The following STXBP6 variants were observed in gnomAD, a reference collection of about 807,000 sequenced individuals.
STXBP6 encodes the protein syntaxin-binding protein 6.
In STXBP6, 21 loss-of-function variants were observed where a neutral mutation model predicts 26.9. That is an observed-to-expected ratio of 0.78 (90% CI 0.55 to 1.12). The LOEUF (loss-of-function observed/expected upper bound fraction) is 1.12, where lower values mean the gene tolerates loss of function less well. Among genes scored for constraint, STXBP6 ranks in the 50% most tolerant of loss-of-function variants. The pLI is 0.00. For synonymous variants in STXBP6, 97 were observed against 92.6 expected (o/e 1.05, Z -0.27); for missense variants, 232 against 257.9 (o/e 0.90, Z 0.69).
At chr14:24,850,286 A>C (rs530942757) in intron 4 of STXBP6, among the ~76,000 whole-genome samples, 1 of 152,176 alleles carries the variant, frequency 6.6e-6, no homozygotes, top group Admixed American at 6.6e-5. Context: ...TTAGCATACC[A>C]ATCAGCAGGG....
intron 1 of STXBP6, among the ~76,000 whole-genome samples, chr14:25,024,106 G>A (rs990096839): frequency 2.0e-5 from 3 of 151,900 alleles, no homozygotes; most frequent in Admixed American, 6.6e-5. Flanking sequence ...TCAGGAGATC[G>A]AGACCATCCT....
chr14:24,979,114 A>C (rs1217874325), intron 1 of STXBP6, among the ~76,000 whole-genome samples: 2 of 152,236 alleles, frequency 1.3e-5, no homozygotes, highest in Non-Finnish European at 2.9e-5. Flanking sequence ...TCCTCTGGTA[A>C]GGCAACAGTG....
intron 1 of STXBP6, among the ~76,000 whole-genome samples, chr14:25,035,687 T>TC (rs1311307724): frequency 6.6e-6 from 1 of 152,176 alleles, no homozygotes; most frequent in Non-Finnish European, 1.5e-5. Flanking sequence ...ATTTTTTTTT[T>TC]CTCAGCTACC....
intron 1 of STXBP6, among the ~76,000 whole-genome samples, chr14:25,002,113 C>A (rs2140334631): frequency 6.6e-6 from 1 of 152,226 alleles, no homozygotes; most frequent in African/African-American, 2.4e-5. Flanking sequence ...AGGTGCTTTT[C>A]TTGTAACCCA....
chr14:24,882,521 G>T (rs1266011681), intron 2 of STXBP6, among the ~76,000 whole-genome samples: 1 of 149,112 alleles, frequency 6.7e-6, no homozygotes, highest in Non-Finnish European at 1.5e-5. Flanking sequence ...AACAGGAGAT[G>T]AATACACCCA....
chr14:25,014,266 A>T, intron 1 of STXBP6, among the ~76,000 whole-genome samples: 1 of 151,624 alleles, frequency 6.6e-6, no homozygotes, highest in Non-Finnish European at 1.5e-5. Context: ...AGGCCGAGGC[A>T]GGTGGATCAC....
chr14:24,992,987 A>G (rs927393751), intron 1 of STXBP6, among the ~76,000 whole-genome samples: 4 of 152,080 alleles, frequency 2.6e-5, no homozygotes, highest in African/African-American at 7.2e-5. Flanking sequence ...TCACTCTTTC[A>G]CAGTTGCTGC....
intron 2 of STXBP6, among the ~76,000 whole-genome samples, chr14:24,890,620 T>A (rs2070754838): frequency 6.6e-6 from 1 of 152,202 alleles, no homozygotes; most frequent in African/African-American, 2.4e-5. Context: ...TCTTACAAGC[T>A]TTCAGAGAGG....
chr14:25,024,830 G>A (rs2075320042), intron 1 of STXBP6, among the ~76,000 whole-genome samples: 1 of 152,182 alleles, frequency 6.6e-6, no homozygotes, highest in Non-Finnish European at 1.5e-5. Context: ...TTAATTTTAA[G>A]TGTGATTCAC....
At chr14:24,895,451 G>T (rs533569455) in intron 2 of STXBP6, among the ~76,000 whole-genome samples, 6 of 152,154 alleles carry the variant, frequency 3.9e-5, no homozygotes, top group Non-Finnish European at 7.3e-5. Context: ...AAAGGAAGGC[G>T]GTTAGGAGGA....
intron 1 of STXBP6, among the ~76,000 whole-genome samples, chr14:25,004,989 T>C (rs1010113617): frequency 6.6e-6 from 1 of 152,188 alleles, no homozygotes; most frequent in Non-Finnish European, 1.5e-5. Flanking sequence ...GAAACTGTTG[T>C]CTTTACTGCT....
At chr14:24,874,891 T>C (rs2070078319) in intron 2 of STXBP6, among the ~76,000 whole-genome samples, 1 of 152,130 alleles carries the variant, frequency 6.6e-6, no homozygotes, top group South Asian at 2.1e-4. Context: ...AACACGCTCA[T>C]TAAAATGGCT....
At chr14:25,022,497 GT>G (rs1385911930) in intron 1 of STXBP6, among the ~76,000 whole-genome samples, 2 of 152,126 alleles carry the variant, frequency 1.3e-5, no homozygotes, top group African/African-American at 4.8e-5. Context: ...AGGGTCAGAG[GT>G]AGAACTTGAT....
At chr14:25,029,228 G>A (rs773843436) in intron 1 of STXBP6, among the ~76,000 whole-genome samples, 6 of 152,056 alleles carry the variant, frequency 3.9e-5, no homozygotes, top group South Asian at 2.1e-4. Context: ...AATCTTACAC[G>A]GAAGGAAGAG....
At chr14:24,864,957 C>T (rs854340) in intron 2 of STXBP6, among the ~76,000 whole-genome samples, 112,352 of 152,106 alleles carry the variant, frequency 0.74, 41,941 homozygotes, top group East Asian at 1. Flanking sequence ...CTGTGTTCGA[C>T]TGGGGAGTAA....
intron 2 of STXBP6, among the ~76,000 whole-genome samples, chr14:24,914,123 T>C (rs2071671511): frequency 6.6e-6 from 1 of 152,304 alleles, no homozygotes; most frequent in Non-Finnish European, 1.5e-5. Context: ...TAATTTCTCA[T>C]GGATTTTATC....
intron 2 of STXBP6, among the ~76,000 whole-genome samples, chr14:24,917,733 C>CA (rs201639383): frequency 2.0e-5 from 3 of 151,284 alleles, no homozygotes; most frequent in African/African-American, 7.3e-5. Context: ...ACACAAAAGA[C>CA]AAAAAAAAGA....
chr14:24,860,346 A>G (rs1242118652), intron 2 of STXBP6, among the ~76,000 whole-genome samples: 2 of 152,186 alleles, frequency 1.3e-5, no homozygotes, highest in Non-Finnish European at 2.9e-5. Context: ...AACTGGTAGA[A>G]GAGGGAACAA....
chr14:24,984,126 G>C (rs8008156), intron 1 of STXBP6, among the ~76,000 whole-genome samples: 2,953 of 152,242 alleles, frequency 0.019, 91 homozygotes, highest in African/African-American at 0.064. Flanking sequence ...CAGCTACTTG[G>C]GGGGCTGAGG....
Sources: gnomAD v4.1 joint callset for allele counts (sites outside exome capture counted in the v4.1 genomes callset) on GRCh38, gnomAD v4.1.1 for gene constraint, MANE v1.5 for transcripts, NCBI Gene and HGNC (gene_info 2026-07-23, HGNC 2026-07-21) for gene names.